Variants in SLC43A2 observed in about 807,000 individuals in gnomAD.
SLC43A2 encodes large neutral amino acids transporter small subunit 4.
Under a neutral mutation model 63.2 loss-of-function variants are expected in SLC43A2, and 38 were observed. The ratio of observed to expected loss-of-function variants is 0.60; its 90% confidence interval spans 0.46 to 0.79. SLC43A2 has a LOEUF of 0.79. Among genes scored for constraint, SLC43A2 ranks in the 30% least tolerant of loss-of-function variants. SLC43A2 has a pLI of 0.00. For missense variants in SLC43A2, 644 were observed against 756.2 expected, an observed-to-expected ratio of 0.85 and a Z score of 1.74; for synonymous variants, 322 against 331.0, an observed-to-expected ratio of 0.97 and a Z score of 0.30.
chr17:1,589,235 A>C lies in SLC43A2; in HGVS notation c.1078+1567T>G, dbSNP rs1016457925. ...CTTGAGTAAAAGACGCTGACTCAGCAGCAGGGAGATGAGCCTTTCGAGGGC... is the reference window on the plus strand; with the variant it reads ...CTTGAGTAAAAGACGCTGACTCAGCCGCAGGGAGATGAGCCTTTCGAGGGC... On this transcript the variant is annotated intron_variant, in intron 9 of 13. Transcript: ENST00000301335. 2.0e-5 allele frequency among the ~76,000 whole-genome samples: 3 copies of C among 152,352 alleles called. 1 individual carries two copies. In the East Asian group the frequency reaches 5.8e-4, roughly 29 times the overall value.
chr17:1,608,043 A>G lies in SLC43A2; in HGVS notation c.501+5152T>C, dbSNP rs142128622. Among the ~76,000 whole-genome samples the G allele has an allele frequency of 2.2e-4, 33 of 152,220 alleles. No individual in the cohort carries two copies. The East Asian group carries it at 6.4e-3, about 29-fold the overall frequency. ...GACAGTAGACCTTTTGGGCTTTACA[A>G]GCCATATGGCCTCTGTCACGACTGC... On this transcript the variant is annotated intron_variant, in intron 5 of 13. Transcript: ENST00000301335.
intron 6 of SLC43A2, among the ~76,000 whole-genome samples, chr17:1,592,369 G>GAGCCGAGCTCACACCAC (rs1904900073): frequency 6.6e-6 from 1 of 152,230 alleles, no homozygotes; most frequent in Non-Finnish European, 1.5e-5. Flanking sequence ...GGAGGTTGCA[G>GAGCCGAGCTCACACCAC]TGAGCCGAGA....
chr17:1,625,059 G>A (rs1343088855), intron 2 of SLC43A2, among the ~76,000 whole-genome samples: 4 of 152,258 alleles, frequency 2.6e-5, no homozygotes, highest in East Asian at 1.9e-4. Context: ...AGGAAGCCCC[G>A]TGCTTCTCGG....
chr17:1,587,965 T>C (rs6502803), intron 9 of SLC43A2, among the ~76,000 whole-genome samples: 82,738 of 151,762 alleles, frequency 0.55, 24,303 homozygotes, highest in East Asian at 0.82. Context: ...TTTCCCCCCT[T>C]AATTCTGTTT....
intron 9 of SLC43A2, among the ~76,000 whole-genome samples, chr17:1,588,913 G>A (rs971664980): frequency 1.9e-4 from 29 of 152,318 alleles, no homozygotes; most frequent in Non-Finnish European, 1.5e-4. Flanking sequence ...ACGCGGAGGC[G>A]ATGGCTCTGG....
chr17:1,612,336 T>C (rs1907192820), intron 5 of SLC43A2, among the ~76,000 whole-genome samples: 1 of 152,154 alleles, frequency 6.6e-6, no homozygotes, highest in Non-Finnish European at 1.5e-5. Context: ...GCATATTTTG[T>C]GATGTCCTGG....
intron 5 of SLC43A2, among the ~76,000 whole-genome samples, chr17:1,597,917 C>A (rs1905475358): frequency 6.6e-6 from 1 of 152,262 alleles, no homozygotes; most frequent in African/African-American, 2.4e-5. Context: ...CAATCTTACT[C>A]TCTGGGTACC....
chr17:1,580,106 T>C (rs951918121), intron 11 of SLC43A2, among the ~76,000 whole-genome samples: 1 of 152,144 alleles, frequency 6.6e-6, no homozygotes, highest in African/African-American at 2.4e-5. Context: ...TTTGTATTTT[T>C]TGTAGAGACG....
intron 3 of SLC43A2, 194 bp downstream of exon 3, chr17:1,616,367 CG>C (rs1907662690): frequency 6.8e-6 from 4 of 587,376 alleles, no homozygotes; most frequent in Non-Finnish European, 1.2e-5. Flanking sequence ...TTTTCTTATT[CG>C]GTACTGGAGC....
chr17:1,594,839 T>C (rs35479391), intron 5 of SLC43A2, among the ~76,000 whole-genome samples: 60,861 of 150,922 alleles, frequency 0.4, 13,122 homozygotes, highest in African/African-American at 0.56. Context: ...CCGCCCGCCT[T>C]GGCCTCCCAA....
At chr17:1,598,802 T>C (rs1905587144) in intron 5 of SLC43A2, among the ~76,000 whole-genome samples, 1 of 152,120 alleles carries the variant, frequency 6.6e-6, no homozygotes, top group South Asian at 2.1e-4. Context: ...AGAGGCCGAC[T>C]CTCCATCTGT....
At chr17:1,585,075 C>A (rs535835553) in intron 10 of SLC43A2, among the ~76,000 whole-genome samples, 22 of 152,054 alleles carry the variant, frequency 1.4e-4, no homozygotes, top group Non-Finnish European at 1.8e-4. Context: ...GAGCCGGGCG[C>A]GGTGCCTCAT....
At chr17:1,579,692 C>T (rs1316141209) in intron 11 of SLC43A2, among the ~76,000 whole-genome samples, 1 of 151,794 alleles carries the variant, frequency 6.6e-6, no homozygotes, top group Non-Finnish European at 1.5e-5. Flanking sequence ...TAAAAATTAA[C>T]TGGGCTTGGT....
At chr17:1,609,469 TG>T (rs1365901773) in intron 5 of SLC43A2, among the ~76,000 whole-genome samples, 1 of 152,226 alleles carries the variant, frequency 6.6e-6, no homozygotes, top group East Asian at 1.9e-4. Flanking sequence ...CCCAAAGTGC[TG>T]GGATTACAGG....
chr17:1,570,908 C>G lies in SLC43A2; in HGVS notation c.*4696G>C, dbSNP rs2075838810. The G allele has an allele frequency of 6.6e-6, 1 of 152,374 alleles. No individual in the cohort carries two copies. The highest frequency in any genetic ancestry group is 1.5e-5 in the Non-Finnish European group (1 of 68,144). The allele number at this position is 152,374 out of a possible 1,614,324, so 9.4% of individuals were successfully genotyped here. ...CAGATGATGGCACCAAAGTTCAAGA[C>G]TCGCCCAGGGCCACCAAGACAGTCC... On this transcript the variant is annotated 3_prime_UTR_variant, in exon 14 of 14. Coordinates refer to ENST00000301335, the MANE Select transcript of SLC43A2 (RefSeq NM_152346.3).
rs574601673 is a variant in SLC43A2 at position 1,620,967 on chromosome 17, C to T, written c.161-4198G>A. 1.1e-3 allele frequency among the ~76,000 whole-genome samples: 160 copies of T among 152,298 alleles called. 1 individual carries two copies. The highest frequency in any genetic ancestry group is 3.9e-4 in the East Asian group (2 of 5,164). On this transcript the variant is annotated intron_variant, in intron 2 of 13. Coordinates refer to ENST00000301335, the MANE Select transcript of SLC43A2 (RefSeq NM_152346.3). ...GCCAGGCTGCTCTGCTCCTCACCTGCACCTGTTTATTAAACAGATGCCTCC... is the reference window on the plus strand; with the variant it reads ...GCCAGGCTGCTCTGCTCCTCACCTGTACCTGTTTATTAAACAGATGCCTCC...
In SLC43A2 at chr17:1,612,742, C is replaced by T. The variant is rs374785054; in HGVS notation, c.501+453G>A. Among the ~76,000 whole-genome samples the T allele has an allele frequency of 3.0e-3, 457 of 152,354 alleles. 4 individuals carry two copies. The highest frequency in any genetic ancestry group is 0.01 in the African/African-American group (428 of 41,594). ...ACCCCAGCGCTTTGGGAGGCCAAGG[C>T]GGGTGGATCACCTGAGGTCAGGAGT... On this transcript the variant is annotated intron_variant, in intron 5 of 13. Transcript: ENST00000301335.
rs1346023382 is a variant in SLC43A2 at position 1,593,477 on chromosome 17, A to C, written c.502-198T>G. 6.6e-6 allele frequency among the ~76,000 whole-genome samples: 1 copy of C among 152,126 alleles called. No homozygotes were observed. Among genetic ancestry groups the C allele is most frequent in the African/African-American group, 2.4e-5 (1 of 41,420 alleles). On this transcript the variant is annotated intron_variant, in intron 5 of 13. Transcript: ENST00000301335. The surrounding 1 kb of genome is among the most constrained non-coding windows in gnomAD (Gnocchi z 5.3). ...TCATGGACTGAGGCTGATGGGGCCA[A>C]GGAGGGAGGTAATGCAGAATACAAG...
chr17:1,608,519 G>A (rs922031330), intron 5 of SLC43A2, among the ~76,000 whole-genome samples: 1 of 151,910 alleles, frequency 6.6e-6, no homozygotes, highest in East Asian at 1.9e-4. Flanking sequence ...TCAGCCTCCC[G>A]AGTAGCTGGA....
Sources: gnomAD v4.1 joint callset for allele counts (sites outside exome capture counted in the v4.1 genomes callset) on GRCh38, gnomAD v4.1.1 for gene constraint, Gnocchi (gnomAD v3.1) non-coding constraint, MANE v1.5 for transcripts, NCBI Gene and HGNC (gene_info 2026-07-23, HGNC 2026-07-21) for gene names.